The following NELL1 variants were observed in gnomAD, a reference collection of about 807,000 sequenced individuals.
NELL1 encodes protein kinase C-binding protein NELL1.
Under a neutral mutation model 107.4 loss-of-function variants are expected in NELL1, and 76 were observed. The observed-to-expected ratio is 0.71, with a 90% CI of 0.59 to 0.86. The LOEUF (loss-of-function observed/expected upper bound fraction) is 0.86. Among genes scored for constraint, NELL1 ranks in the 40% least tolerant of loss-of-function variants. The pLI, the probability that NELL1 is intolerant of heterozygous loss-of-function variation, is 0.00. For synonymous variants in NELL1, 353 were observed against 341.2 expected, an observed-to-expected ratio of 1.03 and a Z score of -0.38; for missense variants, 1,024 against 1,005.5, an observed-to-expected ratio of 1.02 and a Z score of -0.25.
intron 15 of NELL1, among the ~76,000 whole-genome samples, chr11:21,463,755 C>T (rs938498114): frequency 6.6e-6 from 1 of 152,120 alleles, no homozygotes; most frequent in African/African-American, 2.4e-5. Context: ...ATTACGTTCA[C>T]AGCTCTTCGG....
chr11:21,016,261 G>T (rs961534752), intron 12 of NELL1, among the ~76,000 whole-genome samples: 2 of 152,010 alleles, frequency 1.3e-5, no homozygotes, highest in Admixed American at 6.6e-5. Flanking sequence ...CCTTTCAATA[G>T]GTGAAGATAA....
At chr11:21,562,134 T>A (rs1439447115) in intron 17 of NELL1, among the ~76,000 whole-genome samples, 1 of 152,090 alleles carries the variant, frequency 6.6e-6, no homozygotes, top group Non-Finnish European at 1.5e-5. Flanking sequence ...AAAATTCTTC[T>A]TTCAGTTTTT....
intron 14 of NELL1, among the ~76,000 whole-genome samples, chr11:21,242,604 C>G (rs1394552487): frequency 1.3e-5 from 2 of 152,054 alleles, no homozygotes; most frequent in Non-Finnish European, 2.9e-5. Flanking sequence ...TCATGTATTT[C>G]TGAAATGGAT....
chr11:21,331,268 C>T (rs1850267041), intron 14 of NELL1, among the ~76,000 whole-genome samples: 2 of 151,848 alleles, frequency 1.3e-5, no homozygotes, highest in African/African-American at 2.4e-5. Context: ...GTTATACTTT[C>T]CTGTTTATTT....
intron 2 of NELL1, among the ~76,000 whole-genome samples, chr11:20,705,968 A>G (rs919985856): frequency 6.6e-6 from 1 of 152,222 alleles, no homozygotes; most frequent in Non-Finnish European, 1.5e-5. Flanking sequence ...ACAATGAGAT[A>G]CCGTCTCACA....
At chr11:21,266,946 G>A (rs1325019338) in intron 14 of NELL1, among the ~76,000 whole-genome samples, 1 of 152,070 alleles carries the variant, frequency 6.6e-6, no homozygotes, top group Non-Finnish European at 1.5e-5. Flanking sequence ...AGAGTTAGCT[G>A]TAAGTGAATT....
chr11:20,760,040 T>C (rs92485), intron 2 of NELL1, among the ~76,000 whole-genome samples: 38,444 of 152,060 alleles, frequency 0.25, 5,650 homozygotes, highest in African/African-American at 0.41. Flanking sequence ...TACAGGCTAC[T>C]ATCATAATGA....
intron 15 of NELL1, among the ~76,000 whole-genome samples, chr11:21,377,847 G>C (rs535113793): frequency 6.6e-6 from 1 of 152,118 alleles, no homozygotes; most frequent in African/African-American, 2.4e-5. Context: ...AATAGCCTGT[G>C]CGGATCTTTT....
intron 4 of NELL1, among the ~76,000 whole-genome samples, chr11:20,882,141 G>T (rs1849420647): frequency 6.6e-6 from 1 of 152,180 alleles, no homozygotes; most frequent in Admixed American, 6.5e-5. Flanking sequence ...CTAAGATTCT[G>T]ATTTTACTTT....
At chr11:21,554,405 A>G (rs183690044) in intron 16 of NELL1, among the ~76,000 whole-genome samples, 2 of 151,888 alleles carry the variant, frequency 1.3e-5, no homozygotes, top group Non-Finnish European at 1.5e-5. Context: ...TGGCTAGCCA[A>G]TGTACTAATC....
At chr11:20,871,254 T>C (rs770623251) in intron 4 of NELL1, among the ~76,000 whole-genome samples, 3 of 152,184 alleles carry the variant, frequency 2.0e-5, no homozygotes, top group Non-Finnish European at 4.4e-5. Flanking sequence ...GAACTTTTGA[T>C]ACAGGTCAGT....
At chr11:20,980,146 T>G (rs1420666307) in intron 12 of NELL1, among the ~76,000 whole-genome samples, 1 of 152,162 alleles carries the variant, frequency 6.6e-6, no homozygotes, top group Non-Finnish European at 1.5e-5. Context: ...TGTCTGAATT[T>G]ATCGAGCATC....
At chr11:21,347,021 C>G (rs1029959196) in intron 14 of NELL1, among the ~76,000 whole-genome samples, 1 of 152,178 alleles carries the variant, frequency 6.6e-6, no homozygotes, top group Non-Finnish European at 1.5e-5. Flanking sequence ...GTTATGTGCT[C>G]TATAAACTTA....
chr11:21,235,989 A>T (rs1010559114), intron 14 of NELL1, among the ~76,000 whole-genome samples: 4 of 152,120 alleles, frequency 2.6e-5, no homozygotes, highest in Non-Finnish European at 5.9e-5. Flanking sequence ...TTATGATATC[A>T]TCTTTCCCCA....
chr11:21,210,007 C>A (rs1857466715), intron 13 of NELL1, among the ~76,000 whole-genome samples: 1 of 151,960 alleles, frequency 6.6e-6, no homozygotes, highest in South Asian at 2.1e-4. Flanking sequence ...TGACTGGTTT[C>A]TTTTGTTTAG....
chr11:21,367,065 T>A (rs1473246818), intron 14 of NELL1, among the ~76,000 whole-genome samples: 6 of 96,418 alleles, frequency 6.2e-5, no homozygotes, highest in African/African-American at 2.5e-4. Flanking sequence ...TATATTTTAA[T>A]ATAAAAAAAG....
At chr11:21,207,830 C>T (rs1857421070) in intron 13 of NELL1, among the ~76,000 whole-genome samples, 1 of 152,162 alleles carries the variant, frequency 6.6e-6, no homozygotes, top group South Asian at 2.1e-4. Context: ...CTAGGTCTAT[C>T]TGCTGCCAAA....
chr11:20,776,567 A>G (rs1856755348), intron 2 of NELL1, among the ~76,000 whole-genome samples: 1 of 152,156 alleles, frequency 6.6e-6, no homozygotes, highest in African/African-American at 2.4e-5. Flanking sequence ...AATGAAGATA[A>G]ATAAAGACAG....
At chr11:21,146,135 T>C (rs925497187) in intron 13 of NELL1, among the ~76,000 whole-genome samples, 1 of 152,204 alleles carries the variant, frequency 6.6e-6, no homozygotes, top group African/African-American at 2.4e-5. Flanking sequence ...GATTAAATTA[T>C]GTAATGTGTA....
Sources: allele counts gnomAD v4.1 joint callset (sites outside exome capture counted in the v4.1 genomes callset), GRCh38; gene constraint gnomAD v4.1.1; transcripts MANE v1.5; gene names NCBI Gene and HGNC (gene_info 2026-07-23, HGNC 2026-07-21).